FSHR: variants seen among roughly 807,000 people sequenced by gnomAD.
The protein encoded by FSHR is follicle-stimulating hormone receptor.
In FSHR, 46 loss-of-function variants were observed where a neutral mutation model predicts 52.1. That is an observed-to-expected ratio of 0.88 (90% CI 0.70 to 1.13). FSHR has a LOEUF of 1.13. FSHR is among the 50% of genes most tolerant of loss of function. The pLI is 0.00. For synonymous variants in FSHR, 399 were observed against 309.6 expected (o/e 1.29, Z -3.03); for missense variants, 964 against 834.6 (o/e 1.16, Z -1.91).
chr2:49,021,565 C>T (rs1201611698), intron 2 of FSHR, among the ~76,000 whole-genome samples: 1 of 130,352 alleles, frequency 7.7e-6, no homozygotes, highest in Non-Finnish European at 1.8e-5. Flanking sequence ...AAAAGAAGGC[C>T]CCTGGGGGAG....
At chr2:49,122,653 C>A (rs868488713) in intron 1 of FSHR, among the ~76,000 whole-genome samples, 2 of 152,184 alleles carry the variant, frequency 1.3e-5, no homozygotes, top group Non-Finnish European at 2.9e-5. Context: ...TTCAAGAGAA[C>A]ACTCCAGAAA....
At chr2:49,153,856 G>A (rs573208460) in intron 1 of FSHR, among the ~76,000 whole-genome samples, 5 of 152,074 alleles carry the variant, frequency 3.3e-5, no homozygotes, top group Admixed American at 2.6e-4. Context: ...CAGTGTCCTC[G>A]GGAGACATAC....
At chr2:49,076,122 T>G (rs921120183) in intron 1 of FSHR, among the ~76,000 whole-genome samples, 5 of 152,138 alleles carry the variant, frequency 3.3e-5, no homozygotes, top group Non-Finnish European at 5.9e-5. Context: ...TAGAAGTAAA[T>G]TCCACCCCTT....
intron 2 of FSHR, among the ~76,000 whole-genome samples, chr2:49,056,807 G>A (rs2103398): frequency 0.21 from 31,358 of 151,882 alleles, 3,695 homozygotes; most frequent in South Asian, 0.31. Context: ...TCAAAATTAT[G>A]TCAAGTACCC....
intron 1 of FSHR, among the ~76,000 whole-genome samples, chr2:49,068,855 G>T (rs755580729): frequency 2.6e-5 from 4 of 151,908 alleles, no homozygotes; most frequent in Non-Finnish European, 4.4e-5. Context: ...ATATACACTA[G>T]GTCTGTTTCC....
At chr2:49,023,024 A>G (rs72877811) in intron 2 of FSHR, among the ~76,000 whole-genome samples, 2 of 152,174 alleles carry the variant, frequency 1.3e-5, no homozygotes, top group South Asian at 4.1e-4. Flanking sequence ...TCTTTAGGGA[A>G]ATAGTAATAA....
chr2:49,021,975 G>A (rs1667741810), intron 2 of FSHR, among the ~76,000 whole-genome samples: 1 of 147,202 alleles, frequency 6.8e-6, no homozygotes, highest in South Asian at 2.2e-4. Flanking sequence ...TATCCTGTAA[G>A]TACAGGGAGT....
intron 2 of FSHR, among the ~76,000 whole-genome samples, chr2:49,035,190 G>A (rs1353892195): frequency 6.6e-6 from 1 of 152,194 alleles, no homozygotes; most frequent in Non-Finnish European, 1.5e-5. Context: ...TGCTGCTGAA[G>A]GCAAATCACT....
At chr2:49,098,669 G>A (rs1572742048) in intron 1 of FSHR, among the ~76,000 whole-genome samples, 1 of 149,536 alleles carries the variant, frequency 6.7e-6, no homozygotes, top group East Asian at 2.0e-4. Context: ...TAAGAAAAGG[G>A]AATAATGTGT....
In FSHR at chr2:49,129,874, G is replaced by C. The variant is rs191032944; in HGVS notation, c.152+24392C>G. ...CAGGAAACTTAGAGTTGTAAAACTT[G>C]ATTATTTTAAAATGTTTGAGTTCAG... is the stretch of plus-strand genomic sequence containing the variant. On this transcript the variant is annotated intron_variant, in intron 1 of 9. Coordinates refer to ENST00000406846, the MANE Select transcript of FSHR (RefSeq NM_000145.4). 5.1e-3 allele frequency among the ~76,000 whole-genome samples: 778 copies of C among 152,242 alleles called. 33 individuals are homozygous for C. The highest frequency in any genetic ancestry group is 0.045 in the Admixed American group (692 of 15,286).
At chr2:49,111,331 A>G (rs1329956460) in intron 1 of FSHR, among the ~76,000 whole-genome samples, 1 of 152,060 alleles carries the variant, frequency 6.6e-6, no homozygotes, top group Non-Finnish European at 1.5e-5. Context: ...GTTTTAATCC[A>G]CTGTCCATTC....
chr2:49,065,896 G>T (rs1572699335), intron 2 of FSHR, among the ~76,000 whole-genome samples: 2 of 152,184 alleles, frequency 1.3e-5, no homozygotes, highest in East Asian at 1.9e-4. Flanking sequence ...TATCCCAGAA[G>T]TTAAGTGGGG....
At chr2:49,054,705 A>G (rs1212957121) in intron 2 of FSHR, among the ~76,000 whole-genome samples, 1 of 152,200 alleles carries the variant, frequency 6.6e-6, no homozygotes, top group Non-Finnish European at 1.5e-5. Flanking sequence ...GCCCACCCCT[A>G]GTAAAGCCAC....
chr2:48,976,679 A>G (rs913031860), intron 8 of FSHR, among the ~76,000 whole-genome samples: 13 of 152,146 alleles, frequency 8.5e-5, no homozygotes, highest in Admixed American at 2.0e-4. Flanking sequence ...TGGTCTATTC[A>G]GGGATTCATC....
At chr2:49,147,561 C>A (rs1388577888) in intron 1 of FSHR, among the ~76,000 whole-genome samples, 2 of 152,042 alleles carry the variant, frequency 1.3e-5, no homozygotes, top group Non-Finnish European at 2.9e-5. Flanking sequence ...CAGTTCTCTG[C>A]TATCAAACCC....
chr2:49,029,319 G>C (rs2104250182), intron 2 of FSHR, among the ~76,000 whole-genome samples: 1 of 152,118 alleles, frequency 6.6e-6, no homozygotes, highest in East Asian at 1.9e-4. Context: ...ACTGTTTCGT[G>C]AAAAAACAAC....
chr2:49,137,178 A>G (rs574714932), intron 1 of FSHR, among the ~76,000 whole-genome samples: 18 of 152,262 alleles, frequency 1.2e-4, no homozygotes, highest in African/African-American at 4.3e-4. Context: ...TACAAAATCA[A>G]TATACCAAAA....
At chr2:49,001,256 T>C (rs564179919) in intron 4 of FSHR, among the ~76,000 whole-genome samples, 1 of 152,104 alleles carries the variant, frequency 6.6e-6, no homozygotes, top group Non-Finnish European at 1.5e-5. Context: ...GGAGGTACTA[T>C]TATAAACTCT....
intron 1 of FSHR, among the ~76,000 whole-genome samples, chr2:49,143,685 T>C (rs1005265080): frequency 1.9e-4 from 29 of 152,168 alleles, no homozygotes; most frequent in African/African-American, 7.0e-4. Flanking sequence ...ATTGCAAAGA[T>C]GGAGAAATGT....
Sources: allele counts gnomAD v4.1 joint callset (sites outside exome capture counted in the v4.1 genomes callset), GRCh38; gene constraint gnomAD v4.1.1; transcripts MANE v1.5; gene names NCBI Gene and HGNC (gene_info 2026-07-23, HGNC 2026-07-21).